Variants in BRPF3 observed in about 807,000 individuals in gnomAD.
The protein encoded by BRPF3 is bromodomain and PHD finger containing 3.
BRPF3 carries 18 observed loss-of-function variants against 102.0 expected under a neutral mutation model. The observed-to-expected ratio is 0.18, with a 90% CI of 0.12 to 0.26. The LOEUF is 0.26. Ranked by LOEUF, BRPF3 falls within the 10% of genes least tolerant of loss-of-function variation. The probability of loss-of-function intolerance (pLI) is 1.00; values close to 1 mark genes in which losing one functional copy is unlikely to be tolerated. For synonymous variants in BRPF3, 570 were observed against 614.2 expected (o/e 0.93, Z 1.06); for missense variants, 1,147 against 1,567.8 (o/e 0.73, Z 4.53).
intron 4 of BRPF3, among the ~76,000 whole-genome samples, chr6:36,207,971 C>T (rs185952616): frequency 1.3e-5 from 2 of 152,326 alleles, no homozygotes; most frequent in African/African-American, 4.8e-5. Context: ...ACCAGACTGC[C>T]TGGGTTGAAA....
intron 9 of BRPF3, among the ~76,000 whole-genome samples, chr6:36,221,223 T>C (rs1296672702): frequency 6.6e-6 from 1 of 152,038 alleles, no homozygotes; most frequent in Non-Finnish European, 1.5e-5. Context: ...CACTTTTTAG[T>C]CTTTGTGTAA....
Position 36,211,250 on chromosome 6 carries a change from C to T in BRPF3, c.2180-8C>T. 1.2e-6 allele frequency: 2 copies of T among 1,611,408 alleles called. No individual in the cohort carries two copies. Among genetic ancestry groups the T allele is most frequent in the Non-Finnish European group, 8.5e-7 (1 of 1,178,224 alleles). On this transcript the variant is annotated splice_region_variant and splice_polypyrimidine_tract_variant and intron_variant, in intron 6 of 12. Coordinates refer to ENST00000357641, the MANE Select transcript of BRPF3 (RefSeq NM_015695.3). ...TCAGCCCCTTCTGTCCTCCCTTCTC[C>T]CTGGCAGTGGACAACATCCTCATCC...
rs1213141608 is a variant in BRPF3, at chr6:36,225,231, C to G, written c.3182-36C>G. On this transcript the variant is annotated intron_variant, in intron 10 of 12. Coordinates refer to ENST00000357641, the MANE Select transcript of BRPF3 (RefSeq NM_015695.3). ...CCTTTTGGGCACCATTCCAAGTCCC[C>G]TTTGGGTGCTGTCTCCTCCCCTCCC... The G allele has an allele frequency of 5.7e-6, 9 of 1,583,320 alleles. No individual in the cohort carries two copies. In the South Asian group the frequency reaches 6.6e-5, roughly 12 times the overall value.
chr6:36,197,778 CTT>C (rs1484525394), intron 1 of BRPF3, among the ~76,000 whole-genome samples: 8 of 152,176 alleles, frequency 5.3e-5, no homozygotes, highest in South Asian at 4.1e-4. Flanking sequence ...GGGCGAAACT[CTT>C]TTCATTTCCC....
rs149868907 is a variant in BRPF3, at chr6:36,226,504, G to T, written c.3279+1140G>T. On this transcript the variant is annotated intron_variant, in intron 11 of 12. Coordinates refer to ENST00000357641, the MANE Select transcript of BRPF3 (RefSeq NM_015695.3). ...CATATCAAGTCACCTCCACCCCAGC[G>T]CTATCAAATTAGACTCTCTGAGGCC... Among the ~76,000 whole-genome samples the T allele has an allele frequency of 4.9e-3, 746 of 152,136 alleles. 5 individuals are homozygous for T. Among genetic ancestry groups the T allele is most frequent in the African/African-American group, 0.013 (540 of 41,488 alleles).
rs1157602733 is a variant in BRPF3, at chr6:36,200,298, C to T, written c.-25C>T. 13 of 1,603,374 alleles carry T rather than the reference C, an allele frequency of 8.1e-6. No individual in the cohort carries two copies. Among genetic ancestry groups the T allele is most frequent in the African/African-American group, 8.0e-5 (6 of 74,752 alleles). ...AGTCTCCTGGCCTTCTCTCCTTAGG[C>T]CTGTCCCCTCAGTTCCCAGGTGCCA... On this transcript the variant is annotated splice_region_variant and 5_prime_UTR_variant, in exon 2 of 13. Coordinates refer to ENST00000357641, the MANE Select transcript of BRPF3 (RefSeq NM_015695.3). This position sits in a 1 kb window ranked among gnomAD's most constrained non-coding sequence, Gnocchi z 5.3.
At chr6:36,228,473 C>T (rs1163193457) in intron 11 of BRPF3, among the ~76,000 whole-genome samples, 9 of 152,182 alleles carry the variant, frequency 5.9e-5, no homozygotes, top group African/African-American at 2.2e-4. Context: ...CATTCTCTAG[C>T]TATACACTGA....
intron 8 of BRPF3, among the ~76,000 whole-genome samples, chr6:36,215,431 C>T (rs1768294103): frequency 6.6e-6 from 1 of 152,182 alleles, no homozygotes; most frequent in African/African-American, 2.4e-5. Flanking sequence ...TAATATACAT[C>T]CAGCAGGAGC....
chr6:36,211,120 G>A, intron 6 of BRPF3, 138 bp from the exon 7 acceptor site: 1 of 979,264 alleles, frequency 1.0e-6, no homozygotes, highest in Non-Finnish European at 1.5e-6. Flanking sequence ...CAGGGCCAAG[G>A]CCCACAGTGA....
intron 11 of BRPF3, among the ~76,000 whole-genome samples, chr6:36,225,894 A>G (rs1181255003): frequency 2.0e-5 from 3 of 152,224 alleles, no homozygotes; most frequent in Non-Finnish European, 2.9e-5. Context: ...TGGGGTGTAT[A>G]TCCACTTACT....
At position 36,210,385 on chromosome 6, in the gene BRPF3, C is replaced by T; in HGVS notation, c.2036C>T (p.Ala679Val). 6.2e-7 allele frequency: 1 copy of T among 1,614,236 alleles called. No individual in the cohort carries two copies. The highest frequency in any genetic ancestry group is 1.1e-5 in the South Asian group (1 of 91,082). Residue 679 changes from alanine to valine, a missense_variant, in exon 6 of 13, where the codon GCT becomes GTT. Coordinates refer to ENST00000357641, the MANE Select transcript of BRPF3 (RefSeq NM_015695.3). This position sits in a 1 kb window ranked among gnomAD's most constrained non-coding sequence, Gnocchi z 4.7. ...AAAGACACAATTTTCCACCGAGCAG[C>T]TGTCCGCCTGCGGGACCTGGGAGGG... ...NAKDTIFHRA[A>V]VRLRDLGGAI...
rs564371900 is a variant in BRPF3, at chr6:36,228,729, T to C, written c.3280-173T>C. Among the ~76,000 whole-genome samples, 5 of 152,346 alleles carry C rather than the reference T, an allele frequency of 3.3e-5. No homozygotes were observed. The East Asian group carries it at 9.6e-4, about 29-fold the overall frequency. On this transcript the variant is annotated intron_variant, in intron 11 of 12. Transcript: ENST00000357641. ...AAAAAAAAAGTGACCTCTACTCTTC[T>C]GTCCTAAGGGACATTGGAGGAAGGG...
chr6:36,209,988 G>A (rs1488288314), intron 5 of BRPF3, 73 bp downstream of exon 5: 1 of 1,583,924 alleles, frequency 6.3e-7, no homozygotes, highest in Non-Finnish European at 8.6e-7. Context: ...CTAGGAAGGA[G>A]TTGGGCCACA....
chr6:36,223,516 G>A (rs1167111301), intron 10 of BRPF3, among the ~76,000 whole-genome samples: 1 of 152,152 alleles, frequency 6.6e-6, no homozygotes, highest in African/African-American at 2.4e-5. Context: ...TAACATGATT[G>A]TCTTCATTTT....
chr6:36,203,744 G>T (rs1767801659), intron 2 of BRPF3, among the ~76,000 whole-genome samples: 1 of 152,322 alleles, frequency 6.6e-6, no homozygotes, highest in Middle Eastern at 3.4e-3. Context: ...GAGCACTGAG[G>T]CCTTGCTTAC....
chr6:36,230,351 CA>C lies in BRPF3; in HGVS notation c.3435-73del. On this transcript the variant is annotated intron_variant, in intron 12 of 12. Coordinates refer to ENST00000357641, the MANE Select transcript of BRPF3 (RefSeq NM_015695.3). This position sits in a 1 kb window ranked among gnomAD's most constrained non-coding sequence, Gnocchi z 5.4. The stretch of plus-strand genomic sequence containing the variant: ...TCTCCCTGGCTTTGCTGGTCCTGGC[CA>C]AGTGGGGCCACAGGAGCCCGAGCCC... 6.7e-7 allele frequency: 1 copy of C among 1,499,600 alleles called. No individual in the cohort carries two copies. The highest frequency in any genetic ancestry group is 1.2e-5 in the South Asian group (1 of 81,272). The allele number at this position is 1,499,600 out of a possible 1,614,324, so 92.9% of individuals were successfully genotyped here.
At chr6:36,211,599 A>G in intron 7 of BRPF3, 39 bp downstream of exon 7, 1 of 1,538,474 alleles carries the variant, frequency 6.5e-7, no homozygotes, top group Non-Finnish European at 8.8e-7. Context: ...GTTGGAGGGT[A>G]AAGAGGGACA....
At position 36,201,628 on chromosome 6, in the gene BRPF3, G is replaced by T. The variant is rs577867309; in HGVS notation, c.1306G>T (p.Gly436Trp). The stretch of plus-strand genomic sequence containing the variant: ...GGAAGAAGAGCAGGAAGCTCAAGGC[G>T]GGGTGAGTGGCTCCCTCAAGGGAGT... ...VEEEEQEAQG[G>W]VSGSLKGVPK... The change falls in exon 2 of 13, where the codon GGG (glycine) becomes TGG (tryptophan). Residue 436 changes from glycine to tryptophan, a missense_variant. By Grantham distance (184) the Gly-to-Trp change is radical. Transcript: ENST00000357641. This position sits in a 1 kb window ranked among gnomAD's most constrained non-coding sequence, Gnocchi z 5.1. The T allele has an allele frequency of 2.5e-6, 4 of 1,614,054 alleles. No homozygotes were observed. The Admixed American group carries it at 6.7e-5, about 27-fold the overall frequency.
chr6:36,229,156 AGT>A (rs1478041469), intron 12 of BRPF3, 100 bp downstream of exon 12: 27 of 1,454,786 alleles, frequency 1.9e-5, no homozygotes, highest in Non-Finnish European at 2.3e-5. Flanking sequence ...GGATGTTACC[AGT>A]TACCCTGGTC....
Sources: gnomAD v4.1 joint callset for allele counts (sites outside exome capture counted in the v4.1 genomes callset) on GRCh38, gnomAD v4.1.1 for gene constraint, Gnocchi (gnomAD v3.1) non-coding constraint, MANE v1.5 for transcripts, NCBI Gene and HGNC (gene_info 2026-07-23, HGNC 2026-07-21) for gene names.